Variants in NUGGC observed in about 807,000 individuals in gnomAD.
NUGGC encodes nuclear GTPase, germinal center associated, also known as nuclear GTPase SLIP-GC.
In NUGGC, 58 loss-of-function variants were observed where a neutral mutation model predicts 92.6. The observed-to-expected ratio is 0.63, with a 90% CI of 0.51 to 0.78. The LOEUF (loss-of-function observed/expected upper bound fraction) is 0.78, where lower values mean the gene tolerates loss of function less well. NUGGC is among the 30% of genes least tolerant of loss of function. The pLI, the probability that NUGGC is intolerant of heterozygous loss-of-function variation, is 0.00. For missense variants in NUGGC, 925 were observed against 964.6 expected (o/e 0.96, Z 0.54); for synonymous variants, 376 against 366.4 (o/e 1.03, Z -0.30).
At chr8:28,048,279 CA>C (rs1412759445) in intron 10 of NUGGC, among the ~76,000 whole-genome samples, 1 of 152,200 alleles carries the variant, frequency 6.6e-6, no homozygotes, top group East Asian at 1.9e-4. Flanking sequence ...AGGTGGTTGT[CA>C]CTGCCTGCGT....
At chr8:28,049,128 T>C (rs532764415) in intron 10 of NUGGC, among the ~76,000 whole-genome samples, 3 of 152,114 alleles carry the variant, frequency 2.0e-5, no homozygotes, top group Admixed American at 2.0e-4. Context: ...GCTGAGTGAG[T>C]AGACGCCTTG....
intron 10 of NUGGC, among the ~76,000 whole-genome samples, chr8:28,052,941 G>A (rs1810042489): frequency 6.6e-6 from 1 of 152,202 alleles, no homozygotes; most frequent in African/African-American, 2.4e-5. Context: ...AGTATGGTTG[G>A]TGTAGACAGT....
Position 28,064,699 on chromosome 8 carries a change from G to A in NUGGC, c.744C>T (p.Tyr248=), listed in dbSNP as rs759431004. 6.2e-7 allele frequency: 1 copy of A among 1,614,040 alleles called. No individual in the cohort carries two copies. Among genetic ancestry groups the A allele is most frequent in the Admixed American group, 1.7e-5 (1 of 60,026 alleles). Residue 248 remains tyrosine, a synonymous_variant, in exon 7 of 19, where the codon TAC becomes TAT. Coordinates refer to ENST00000413272, the MANE Select transcript of NUGGC (RefSeq NM_001010906.2). ...AEELSIKLDP[Y]IRTQRRDWDG... ...CCCAATCTCTCCTCTGTGTGCGGAT[G>A]TAGGGGTCCAGCTTGATGGACAGCT...
chr8:28,038,053 G>A (rs531803679), intron 13 of NUGGC, among the ~76,000 whole-genome samples: 1 of 152,316 alleles, frequency 6.6e-6, no homozygotes, highest in East Asian at 1.9e-4. Context: ...TGAGAATGGG[G>A]CCCATGGAGG....
chr8:28,022,317 C>T lies in NUGGC; in HGVS notation c.*1000G>A, dbSNP rs1461185160. The T allele has an allele frequency of 2.0e-5, 3 of 151,170 alleles. No individual in the cohort carries two copies. The highest frequency in any genetic ancestry group is 6.6e-5 in the Admixed American group (1 of 15,176). 9.4% of individuals were successfully genotyped at this position (151,170 alleles called of 1,614,324 possible). On this transcript the variant is annotated 3_prime_UTR_variant, in exon 19 of 19. Transcript: ENST00000413272. ...GGGACTATAGGCACATGCTACCACGCCTGGCTAATTTTTTGTATTTTTAGT... is the reference window on the plus strand; with the variant it reads ...GGGACTATAGGCACATGCTACCACGTCTGGCTAATTTTTTGTATTTTTAGT...
In NUGGC at chr8:28,022,143, A is replaced by ATTTT. The variant is rs1231799868; in HGVS notation, c.*1170_*1173dup. The stretch of plus-strand genomic sequence containing the variant: ...TGGGTGTGTGTGTGTATATATATAT[A>ATTTT]TTTTTTTCTTTTTCTTTTTTTTTTT... On this transcript the variant is annotated 3_prime_UTR_variant, in exon 19 of 19. Transcript: ENST00000413272. The ATTTT allele has an allele frequency of 8.2e-6, 1 of 122,530 alleles. No homozygotes were observed. Among genetic ancestry groups the ATTTT allele is most frequent in the African/African-American group, 3.1e-5 (1 of 32,594 alleles). The allele number at this position is 122,530 out of a possible 1,614,324, so 7.6% of individuals were successfully genotyped here.
chr8:28,060,677 C>T, intron 7 of NUGGC, 76 bp from the exon 8 acceptor site: 1 of 1,352,032 alleles, frequency 7.4e-7, no homozygotes, highest in East Asian at 2.4e-5. Context: ...CCTAATGTAT[C>T]CCTTAAGCCT....
chr8:28,067,341 T>C (rs994261140), intron 6 of NUGGC, among the ~76,000 whole-genome samples, 173 bp downstream of exon 6: 4 of 152,240 alleles, frequency 2.6e-5, no homozygotes, highest in Non-Finnish European at 5.9e-5. Flanking sequence ...AAATTTCCAT[T>C]TGATAGCCAT....
chr8:28,070,821 T>A (rs1047277352), intron 2 of NUGGC, among the ~76,000 whole-genome samples: 12 of 149,730 alleles, frequency 8.0e-5, no homozygotes, highest in South Asian at 6.4e-4. Flanking sequence ...TTACCAAAAA[T>A]ATATATATAT....
At chr8:28,056,349 G>A (rs746317372) in intron 9 of NUGGC, among the ~76,000 whole-genome samples, 4 of 150,536 alleles carry the variant, frequency 2.7e-5, no homozygotes, top group Non-Finnish European at 5.9e-5. Context: ...GTGGCGGCAC[G>A]TGCCTGTAGT....
intron 1 of NUGGC, among the ~76,000 whole-genome samples, chr8:28,080,425 A>G (rs1394547597): frequency 6.6e-6 from 1 of 152,132 alleles, no homozygotes; most frequent in Non-Finnish European, 1.5e-5. Context: ...GCAGAATCTC[A>G]TTTCACCCTA....
At position 28,031,327 on chromosome 8, in the gene NUGGC, C is replaced by T. The variant is rs58252544; in HGVS notation, c.1824G>A (p.Gln608=). The change falls in exon 15 of 19, where the codon CAG becomes CAA. Residue 608 remains glutamine, a synonymous_variant. Coordinates refer to ENST00000413272, the MANE Select transcript of NUGGC (RefSeq NM_001010906.2). ...TTTCTGTCATTTTCTCCTGCAGGGACTGCTTAAAAGCATCTATGTGAGGCA... is the reference window on the plus strand; with the variant it reads ...TTTCTGTCATTTTCTCCTGCAGGGATTGCTTAAAAGCATCTATGTGAGGCA... ...ALMPHIDAFK[Q]SLQEKMTEIG... The T allele has an allele frequency of 6.2e-7, 1 of 1,613,920 alleles. No homozygotes were observed. Among genetic ancestry groups the T allele is most frequent in the African/African-American group, 1.3e-5 (1 of 75,066 alleles).
intron 18 of NUGGC, among the ~76,000 whole-genome samples, chr8:28,025,689 A>T (rs573813564): frequency 6.6e-6 from 1 of 152,190 alleles, no homozygotes; most frequent in Non-Finnish European, 1.5e-5. Flanking sequence ...GGTCATAAAG[A>T]TTCCCAGAGA....
intron 11 of NUGGC, among the ~76,000 whole-genome samples, chr8:28,046,522 G>T (rs1809839734): frequency 6.6e-6 from 1 of 152,084 alleles, no homozygotes; most frequent in East Asian, 1.9e-4. Flanking sequence ...TTTTGCATTT[G>T]GGTTAGTATT....
At chr8:28,046,573 A>G (rs889094193) in intron 11 of NUGGC, among the ~76,000 whole-genome samples, 41 of 152,176 alleles carry the variant, frequency 2.7e-4, no homozygotes, top group African/African-American at 9.4e-4. Context: ...AGAAAGAGCC[A>G]TGCCTTATGC....
At chr8:28,054,854 C>T (rs1810093017) in intron 10 of NUGGC, among the ~76,000 whole-genome samples, 1 of 151,764 alleles carries the variant, frequency 6.6e-6, no homozygotes, top group Non-Finnish European at 1.5e-5. Context: ...TTGAGACCAG[C>T]CTGGGCAACA....
chr8:28,047,561 T>A lies in NUGGC; in HGVS notation c.1258A>T (p.Thr420Ser). Residue 420 changes from threonine to serine, a missense_variant, in exon 11 of 19, where the codon ACA becomes TCA. By Grantham distance (58) the Thr-to-Ser change is moderately conservative. Transcript: ENST00000413272. ...KVLEASDLVY[T>S]VSAQEYWQQA... ...TGCCAGTACTCCTGGGCGCTGACTG[T>A]ATACACCAGATCTGAGGCTTCCAGA... is the stretch of plus-strand genomic sequence containing the variant. 1 of 1,571,344 alleles carries A rather than the reference T, an allele frequency of 6.4e-7. No homozygotes were observed. The highest frequency in any genetic ancestry group is 1.2e-5 in the South Asian group (1 of 85,406).
At chr8:28,026,837 T>A (rs1307213131) in intron 18 of NUGGC, 125 bp downstream of exon 18, 2 of 691,254 alleles carry the variant, frequency 2.9e-6, no homozygotes, top group African/African-American at 1.8e-5. Context: ...CCCTGCTAAT[T>A]CTTCCTAACT....
At chr8:28,074,076 G>GGGATTACAA (rs1295004869) in intron 2 of NUGGC, among the ~76,000 whole-genome samples, 1 of 151,576 alleles carries the variant, frequency 6.6e-6, no homozygotes, top group East Asian at 1.9e-4. Context: ...TGGGATTACA[G>GGGATTACAA]GTGTGAGCCA....
Sources: allele counts gnomAD v4.1 joint callset (sites outside exome capture counted in the v4.1 genomes callset), GRCh38; gene constraint gnomAD v4.1.1; transcripts MANE v1.5; gene names NCBI Gene and HGNC (gene_info 2026-07-23, HGNC 2026-07-21).